Variants in SBNO2 observed in about 807,000 individuals in gnomAD.
SBNO2 encodes the protein protein strawberry notch homolog 2.
In SBNO2, 89 loss-of-function variants were observed where a neutral mutation model predicts 146.3. The observed-to-expected ratio is 0.61, with a 90% confidence interval of 0.51 to 0.73. The LOEUF is 0.73. Ranked by LOEUF, SBNO2 falls within the 30% of genes least tolerant of loss-of-function variation. SBNO2 has a pLI of 0.00. For synonymous variants in SBNO2, 1,147 were observed against 892.6 expected, an observed-to-expected ratio of 1.29 and a Z score of -5.08; for missense variants, 2,092 against 2,003.7, an observed-to-expected ratio of 1.04 and a Z score of -0.84.
Position 1,112,540 on chromosome 19 carries a change from A to G in SBNO2, c.2380-3T>C, listed in dbSNP as rs747695246. 16 of 1,596,670 alleles carry G rather than the reference A, an allele frequency of 1.0e-5. 1 individual carries two copies. The highest frequency in any genetic ancestry group is 3.3e-5 in the South Asian group (3 of 89,696). On this transcript the variant is annotated splice_region_variant and splice_polypyrimidine_tract_variant and intron_variant, in intron 20 of 31. Coordinates refer to ENST00000361757, the MANE Select transcript of SBNO2 (RefSeq NM_014963.3). This position sits in a 1 kb window ranked among gnomAD's most constrained non-coding sequence, Gnocchi z 5.9. ...GCCTCCGAGATGATGGCCACGAGCT[A>G]GGGGGAAAGAAGGGGCCGGGACACG... is the stretch of plus-strand genomic sequence containing the variant.
At chr19:1,120,264 A>C in intron 11 of SBNO2, 3 of 522,568 alleles carry the variant, frequency 5.7e-6, no homozygotes, top group East Asian at 6.2e-5. Context: ...GACTCTAAAC[A>C]ACACACACCG....
chr19:1,152,210 T>A (rs1014413815), intron 2 of SBNO2, among the ~76,000 whole-genome samples: 2 of 152,186 alleles, frequency 1.3e-5, no homozygotes, highest in African/African-American at 4.8e-5. Flanking sequence ...CCCTGTCGCA[T>A]TCCCCGACTG....
chr19:1,133,549 C>T (rs943165113), intron 4 of SBNO2, among the ~76,000 whole-genome samples: 3 of 152,246 alleles, frequency 2.0e-5, no homozygotes, highest in African/African-American at 7.2e-5. Flanking sequence ...TGCAGACTGT[C>T]GCCCACACCC....
rs1226228575 is a variant in SBNO2, at chr19:1,158,050, T to C, written c.-126-3648A>G. Reference sequence around the variant, plus strand: ...CTGCCTCCCGTCTCTCTCTCCTGAGTCCGGGTAACTGCGGCCGCCTCCCGC... The same window carrying C: ...CTGCCTCCCGTCTCTCTCTCCTGAGCCCGGGTAACTGCGGCCGCCTCCCGC... On this transcript the variant is annotated intron_variant, in intron 1 of 31. Coordinates refer to ENST00000361757, the MANE Select transcript of SBNO2 (RefSeq NM_014963.3). The surrounding 1 kb of genome is among the most constrained non-coding windows in gnomAD (Gnocchi z 9.9). 1.3e-5 allele frequency among the ~76,000 whole-genome samples: 2 copies of C among 152,124 alleles called. No individual in the cohort carries two copies. The highest frequency in any genetic ancestry group is 2.9e-5 in the Non-Finnish European group (2 of 68,000).
At chr19:1,161,927 T>TGGGGGGGGGGGGGGGGGGGGGG (rs1568638145) in intron 1 of SBNO2, among the ~76,000 whole-genome samples, 1 of 8,218 alleles carries the variant, frequency 1.2e-4, no homozygotes, top group Non-Finnish European at 2.1e-4. Context: ...GGGGGGGGGT[T>TGGGGGGGGGGGGGGGGGGGGGG]GGGCCAGGCC....
Position 1,108,460 on chromosome 19 carries a change from G to T in SBNO2, c.3861C>A (p.Gly1287=). The part of the protein sequence containing the change: ...PAPLSLDAGP[G]VVPLGTPDAQ... ...CGTCGGGGGTGCCCAGCGGCACGAC[G>T]CCGGGGCCGGCGTCCAGGGACAGCG... The change falls in exon 32 of 32, where the codon GGC becomes GGA. Residue 1287 remains glycine, a synonymous_variant. Transcript: ENST00000361757. 1 of 1,228,942 alleles carries T rather than the reference G, an allele frequency of 8.1e-7. No homozygotes were observed. Among genetic ancestry groups the T allele is most frequent in the Non-Finnish European group, 1.0e-6 (1 of 981,310 alleles). The allele number at this position is 1,228,942 out of a possible 1,614,324, so 76.1% of individuals were successfully genotyped here.
chr19:1,160,355 C>T (rs540384686), intron 1 of SBNO2, among the ~76,000 whole-genome samples: 1 of 152,244 alleles, frequency 6.6e-6, no homozygotes, highest in African/African-American at 2.4e-5. Flanking sequence ...CACTCCCACA[C>T]CCCTGCCCAG....
At chr19:1,149,802 C>T (rs1387311737) in intron 2 of SBNO2, among the ~76,000 whole-genome samples, 1 of 152,160 alleles carries the variant, frequency 6.6e-6, no homozygotes, top group South Asian at 2.1e-4. Flanking sequence ...TGCTTGGAGG[C>T]CCCATTCTAG....
At chr19:1,132,066 C>A (rs777758252) in intron 4 of SBNO2, 9 of 1,510,178 alleles carry the variant, frequency 6.0e-6, no homozygotes, top group Non-Finnish European at 8.0e-6. Context: ...GAGGGCCTCG[C>A]CCGCCCCGGG....
intron 1 of SBNO2, among the ~76,000 whole-genome samples, chr19:1,160,122 G>C (rs1451291022): frequency 5.9e-5 from 9 of 152,204 alleles, no homozygotes; most frequent in Admixed American, 5.9e-4. Flanking sequence ...GTGCTGGTGG[G>C]CAGCTTGCGC....
At position 1,114,434 on chromosome 19, in the gene SBNO2, G is replaced by A; in HGVS notation, c.1886-12C>T. ...TCCCCGAGGTCGCCCTGCAGGGAAG[G>A]ACAGGGTCACCGAGGGCCAGACCGC... On this transcript the variant is annotated splice_polypyrimidine_tract_variant and intron_variant, in intron 17 of 31. Coordinates refer to ENST00000361757, the MANE Select transcript of SBNO2 (RefSeq NM_014963.3). 6.6e-7 allele frequency: 1 copy of A among 1,511,960 alleles called. No homozygotes were observed. Among genetic ancestry groups the A allele is most frequent in the Non-Finnish European group, 8.9e-7 (1 of 1,125,940 alleles). The allele number at this position is 1,511,960 out of a possible 1,614,324, so 93.7% of individuals were successfully genotyped here.
Position 1,122,518 on chromosome 19 carries a change from C to A in SBNO2, c.955G>T (p.Asp319Tyr). ...SNDLKYDAER[D>Y]LRDIEATGIA... ...CCCGTGGCTTCGATGTCCCGCAGGT[C>A]GCGCTCCGCATCGTACTTGAGGTCG... Residue 319 changes from aspartate (D) to tyrosine (Y), a missense_variant, in exon 10 of 32, where the codon GAC (aspartate) becomes TAC (tyrosine). Transcript: ENST00000361757. 1 of 1,564,468 alleles carries A rather than the reference C, an allele frequency of 6.4e-7. No individual in the cohort carries two copies. The highest frequency in any genetic ancestry group is 8.6e-7 in the Non-Finnish European group (1 of 1,156,972).
intron 4 of SBNO2, among the ~76,000 whole-genome samples, chr19:1,141,373 C>A (rs900344344): frequency 1.3e-4 from 20 of 152,108 alleles, no homozygotes; most frequent in Non-Finnish European, 2.9e-4. Flanking sequence ...CGCCACCATG[C>A]TCAGCTAATT....
Position 1,116,817 on chromosome 19 carries a change from C to T in SBNO2, c.1802+12G>A, listed in dbSNP as rs755430308. ...AGGAAGCCCACAGTCCTGTCCCCAC[C>T]GTGACACTTACTCAGCGGCCGAGAC... On this transcript the variant is annotated intron_variant, in intron 16 of 31. Coordinates refer to ENST00000361757, the MANE Select transcript of SBNO2 (RefSeq NM_014963.3). 106 of 1,575,186 alleles carry T rather than the reference C, an allele frequency of 6.7e-5. 1 individual carries two copies. In the East Asian group the frequency reaches 1.7e-3, roughly 26 times the overall value.
intron 4 of SBNO2, chr19:1,132,284 ACCG>A: frequency 7.6e-7 from 1 of 1,309,176 alleles, no homozygotes; most frequent in Non-Finnish European, 9.7e-7. Flanking sequence ...CGGTTTAGTC[ACCG>A]CCGCCGGCGC....
chr19:1,148,075 C>G (rs1221263549), intron 3 of SBNO2, among the ~76,000 whole-genome samples: 1 of 152,042 alleles, frequency 6.6e-6, no homozygotes, highest in Non-Finnish European at 1.5e-5. Flanking sequence ...TGGCCGCCGT[C>G]CCCAGGGCCT....
chr19:1,154,155 G>A, intron 2 of SBNO2, 29 bp downstream of exon 2: 1 of 1,125,688 alleles, frequency 8.9e-7, no homozygotes, highest in Non-Finnish European at 1.1e-6. Context: ...GACCCCGTCG[G>A]GTGGGCCGGG....
At chr19:1,149,959 C>T (rs778101793) in intron 2 of SBNO2, among the ~76,000 whole-genome samples, 3 of 152,160 alleles carry the variant, frequency 2.0e-5, no homozygotes, top group African/African-American at 4.8e-5. Flanking sequence ...CTGATGTGCC[C>T]GGGAAGCTCA....
chr19:1,150,663 C>T lies in SBNO2; in HGVS notation c.94-1221G>A, dbSNP rs1027440889. Among the ~76,000 whole-genome samples, 3 of 152,132 alleles carry T rather than the reference C, an allele frequency of 2.0e-5. No individual in the cohort carries two copies. Among genetic ancestry groups the T allele is most frequent in the African/African-American group, 7.2e-5 (3 of 41,422 alleles). On this transcript the variant is annotated intron_variant, in intron 2 of 31. Coordinates refer to ENST00000361757, the MANE Select transcript of SBNO2 (RefSeq NM_014963.3). The surrounding 1 kb of genome is among the most constrained non-coding windows in gnomAD (Gnocchi z 6.2). The stretch of plus-strand genomic sequence containing the variant: ...TTCCAGAACAGGGTTGGGGGTTCGC[C>T]TGCTTCCCTGAGTCCCCCAGTGACC...
Sources: gnomAD v4.1 joint callset for allele counts (sites outside exome capture counted in the v4.1 genomes callset) on GRCh38, gnomAD v4.1.1 for gene constraint, Gnocchi (gnomAD v3.1) non-coding constraint, MANE v1.5 for transcripts, NCBI Gene and HGNC (gene_info 2026-07-23, HGNC 2026-07-21) for gene names.